KANSL1: variants seen among roughly 807,000 people sequenced by gnomAD.
KANSL1 encodes MLL1/MLL complex subunit KANSL1.
Under a neutral mutation model 103.6 loss-of-function variants are expected in KANSL1, and 22 were observed. That is an observed-to-expected ratio of 0.21 (90% CI 0.15 to 0.30). The LOEUF is 0.30. Among genes scored for constraint, KANSL1 ranks in the 10% least tolerant of loss-of-function variants. The probability of loss-of-function intolerance (pLI) is 1.00; values close to 1 mark genes in which losing one functional copy is unlikely to be tolerated. For missense variants in KANSL1, 1,337 were observed against 1,399.8 expected (o/e 0.96, Z 0.72); for synonymous variants, 600 against 527.6 (o/e 1.14, Z -1.88).
chr17:46,198,366 C>CT (rs1171231775), upstream of KANSL1, among the ~76,000 whole-genome samples: 1 of 147,730 alleles, frequency 6.8e-6, no homozygotes, highest in Admixed American at 6.9e-5. Flanking sequence ...ATCAGCACCT[C>CT]TTTCCTAATT....
upstream of KANSL1, chr17:46,193,728 C>A: frequency 4.0e-6 from 1 of 248,744 alleles, no homozygotes; most frequent in Non-Finnish European, 8.5e-6. Flanking sequence ...CCAGCCCTCG[C>A]TGCGGCCGAG....
At chr17:46,104,732 C>T (rs2042459409) in intron 2 of KANSL1, among the ~76,000 whole-genome samples, 1 of 152,152 alleles carries the variant, frequency 6.6e-6, no homozygotes, top group Non-Finnish European at 1.5e-5. Flanking sequence ...ATGGAAATGG[C>T]TTACAGTTCT....
At chr17:46,096,285 G>A (rs1237171648) in intron 2 of KANSL1, among the ~76,000 whole-genome samples, 2 of 121,156 alleles carry the variant, frequency 1.7e-5, no homozygotes, top group African/African-American at 5.7e-5. Flanking sequence ...AGGATCAGGA[G>A]CATACTACAT....
chr17:46,186,210 C>T (rs2047025318), intron 1 of KANSL1, among the ~76,000 whole-genome samples: 1 of 143,220 alleles, frequency 7.0e-6, no homozygotes, highest in Non-Finnish European at 1.5e-5. Context: ...CCCGTCTCTA[C>T]TAAAATGCAA....
chr17:46,204,143 G>A (rs2047891121), intron 1 of KANSL1, among the ~76,000 whole-genome samples: 1 of 152,140 alleles, frequency 6.6e-6, no homozygotes, highest in Non-Finnish European at 1.5e-5. Flanking sequence ...AACATAGGAA[G>A]ACCCTATCTC....
intron 2 of KANSL1, among the ~76,000 whole-genome samples, chr17:46,151,448 A>G (rs2147493989): frequency 6.6e-6 from 1 of 152,338 alleles, no homozygotes; most frequent in South Asian, 2.1e-4. Context: ...TGACCACCCT[A>G]TTAATATAGA....
chr17:46,146,229 G>C lies in KANSL1; in HGVS notation c.1289+24626C>G, dbSNP rs2044692472. On this transcript the variant is annotated intron_variant, in intron 2 of 14. Coordinates refer to ENST00000432791, the MANE Select transcript of KANSL1 (RefSeq NM_015443.4). The stretch of plus-strand genomic sequence containing the variant: ...CTGAGAATACCACCACCTCATATTT[G>C]AATAGACGTCTAGTTTTCATGAGAA... Among the ~76,000 whole-genome samples, 3 of 152,266 alleles carry C rather than the reference G, an allele frequency of 2.0e-5. No homozygotes were observed. The South Asian group carries it at 6.2e-4, about 32-fold the overall frequency.
chr17:46,193,132 CCGGGAGGGCGGGCGGG>C lies in KANSL1; in HGVS notation c.-415_-400del, dbSNP rs1316732135. Reference sequence around the variant, plus strand: ...AGCACGGCTGGAGACCGCAGCCCGGCCGGGAGGGCGGGCGGGCGGGGGCAGAGAGTGAAACCGCCCC... The same window carrying C: ...AGCACGGCTGGAGACCGCAGCCCGGCCGGGGGCAGAGAGTGAAACCGCCCC... On this transcript the variant is annotated 5_prime_UTR_variant, in exon 1 of 15. Coordinates refer to ENST00000432791, the MANE Select transcript of KANSL1 (RefSeq NM_015443.4). The C allele has an allele frequency of 2.0e-5, 3 of 151,272 alleles. No individual in the cohort carries two copies. The highest frequency in any genetic ancestry group is 3.0e-5 in the Non-Finnish European group (2 of 67,720). 9.4% of individuals were successfully genotyped at this position (151,272 alleles called of 1,614,324 possible).
intron 2 of KANSL1, among the ~76,000 whole-genome samples, chr17:46,118,232 T>C (rs756868101): frequency 6.7e-6 from 1 of 149,964 alleles, no homozygotes; most frequent in Non-Finnish European, 1.5e-5. Context: ...TTCTTCGGCC[T>C]TCACAAGTGT....
intron 2 of KANSL1, among the ~76,000 whole-genome samples, chr17:46,163,125 A>C (rs1303524303): frequency 1.3e-5 from 2 of 152,248 alleles, no homozygotes; most frequent in African/African-American, 4.8e-5. Context: ...TATATCATCT[A>C]TGTAATTACC....
intron 2 of KANSL1, among the ~76,000 whole-genome samples, chr17:46,115,589 A>G (rs188569168): frequency 6.6e-5 from 10 of 152,320 alleles, no homozygotes; most frequent in Non-Finnish European, 1.2e-4. Flanking sequence ...ACGGGTTTTC[A>G]GTGAACTATA....
chr17:46,142,612 T>C (rs963171672), intron 2 of KANSL1, among the ~76,000 whole-genome samples: 3 of 152,076 alleles, frequency 2.0e-5, no homozygotes, highest in African/African-American at 7.2e-5. Context: ...GCAGACTGTA[T>C]CAAAACAAAA....
chr17:46,070,031 T>G (rs918121594), intron 4 of KANSL1, among the ~76,000 whole-genome samples: 6 of 152,222 alleles, frequency 3.9e-5, no homozygotes, highest in Non-Finnish European at 8.8e-5. Context: ...AGATTTCCCT[T>G]GGAAAGCAAC....
chr17:46,213,467 ATTTT>A (rs748428844), intron 1 of KANSL1, among the ~76,000 whole-genome samples: 4 of 136,394 alleles, frequency 2.9e-5, no homozygotes, highest in African/African-American at 2.7e-5. Context: ...CGCCCGGCTA[ATTTT>A]TTTTTTTTTT....
chr17:46,178,711 G>A (rs139836214), intron 1 of KANSL1, among the ~76,000 whole-genome samples: 13 of 152,306 alleles, frequency 8.5e-5, no homozygotes, highest in Middle Eastern at 3.4e-3. Flanking sequence ...AATACATTTC[G>A]GAAAAACTTC....
At chr17:46,075,363 CA>C (rs1285774195) in intron 4 of KANSL1, among the ~76,000 whole-genome samples, 1 of 147,320 alleles carries the variant, frequency 6.8e-6, no homozygotes, top group African/African-American at 2.4e-5. Context: ...CTTTCTGACA[CA>C]ATCTCGCTGT....
intron 2 of KANSL1, among the ~76,000 whole-genome samples, chr17:46,126,622 G>T (rs2043571969): frequency 6.6e-6 from 1 of 152,074 alleles, no homozygotes; most frequent in African/African-American, 2.4e-5. Flanking sequence ...AATAAGAACT[G>T]TAATCTATTT....
chr17:46,090,242 T>C (rs1437999298), intron 3 of KANSL1, among the ~76,000 whole-genome samples: 3 of 152,226 alleles, frequency 2.0e-5, no homozygotes, highest in Non-Finnish European at 2.9e-5. Context: ...GATTCTTCCC[T>C]AGAGCCTCCA....
chr17:46,094,624 A>G lies in KANSL1; in HGVS notation c.1367T>C (p.Val456Ala). The part of the protein sequence containing the change: ...VSRWNWLQAH[V>A]SDLEYRIRQQ... ...ACGAATTCGATATTCCAAGTCAGAA[A>G]CATGAGCCTGAAGCCAGTTCCAGCG... Residue 456 changes from valine to alanine, a missense_variant, in exon 3 of 15, where the codon GTT (valine) becomes GCT (alanine). Val to Ala is a moderately conservative substitution (Grantham distance 64). Transcript: ENST00000432791. 1 of 1,614,172 alleles carries G rather than the reference A, an allele frequency of 6.2e-7. No homozygotes were observed. Among genetic ancestry groups the G allele is most frequent in the Non-Finnish European group, 8.5e-7 (1 of 1,180,044 alleles).
Sources: gnomAD v4.1 joint callset for allele counts (sites outside exome capture counted in the v4.1 genomes callset) on GRCh38, gnomAD v4.1.1 for gene constraint, MANE v1.5 for transcripts, NCBI Gene and HGNC (gene_info 2026-07-23, HGNC 2026-07-21) for gene names.